The following CDH2 variants were observed in gnomAD, a reference collection of about 807,000 sequenced individuals.
CDH2 encodes cadherin-2.
Under a neutral mutation model 92.0 loss-of-function variants are expected in CDH2, and 17 were observed. The ratio of observed to expected loss-of-function variants is 0.18; its 90% CI spans 0.13 to 0.28. The LOEUF (loss-of-function observed/expected upper bound fraction) is 0.28, where lower values mean the gene tolerates loss of function less well. CDH2 is among the 10% of genes least tolerant of loss of function. CDH2 has a pLI of 1.00. For missense variants in CDH2, 862 were observed against 1,133.1 expected, an observed-to-expected ratio of 0.76 and a Z score of 3.44; for synonymous variants, 419 against 415.9, an observed-to-expected ratio of 1.01 and a Z score of -0.09.
chr18:27,961,686 A>G (rs1291784147), intron 15 of CDH2, among the ~76,000 whole-genome samples: 1 of 152,194 alleles, frequency 6.6e-6, no homozygotes, highest in Non-Finnish European at 1.5e-5. Flanking sequence ...TTTAGCACTG[A>G]GAAAAGAAGA....
chr18:28,123,699 C>T (rs753275552), intron 2 of CDH2, among the ~76,000 whole-genome samples: 7 of 152,252 alleles, frequency 4.6e-5, no homozygotes, highest in Non-Finnish European at 8.8e-5. Context: ...GGAATTGAAG[C>T]ACAGGCTTCA....
In CDH2 at chr18:28,097,684, T is replaced by C. The variant is rs571145630; in HGVS notation, c.172+49989A>G. ...AGCTTATATACAAATACTATGCCAT[T>C]TTTTATCAGAGATTTGAGCATCTGC... On this transcript the variant is annotated intron_variant, in intron 2 of 15. Transcript: ENST00000269141. Among the ~76,000 whole-genome samples, 4 of 152,318 alleles carry C rather than the reference T, an allele frequency of 2.6e-5. No individual in the cohort carries two copies. In the East Asian group the frequency reaches 5.8e-4, roughly 22 times the overall value.
At chr18:28,068,035 C>T (rs2014543339) in intron 2 of CDH2, among the ~76,000 whole-genome samples, 1 of 152,166 alleles carries the variant, frequency 6.6e-6, no homozygotes, top group South Asian at 2.1e-4. Context: ...TGTAAAACCA[C>T]TCCATAGGGA....
intron 15 of CDH2, 68 bp from the exon 16 acceptor site, chr18:27,952,427 A>G: frequency 8.3e-7 from 1 of 1,199,992 alleles, no homozygotes; most frequent in East Asian, 2.3e-5. Context: ...CCACAAGCAG[A>G]TCCTAATGAA....
intron 2 of CDH2, among the ~76,000 whole-genome samples, chr18:28,136,171 T>C (rs2015858611): frequency 6.6e-6 from 1 of 152,162 alleles, no homozygotes; most frequent in Non-Finnish European, 1.5e-5. Flanking sequence ...TTTCAAAATA[T>C]AACCCAACAA....
chr18:28,057,904 T>A (rs2014325846), intron 2 of CDH2, among the ~76,000 whole-genome samples: 1 of 152,154 alleles, frequency 6.6e-6, no homozygotes, highest in African/African-American at 2.4e-5. Context: ...TCACTCATCA[T>A]GGAGTAGAAA....
intron 7 of CDH2, among the ~76,000 whole-genome samples, chr18:27,996,142 A>G (rs975586740): frequency 9.9e-5 from 15 of 152,012 alleles, no homozygotes; most frequent in Non-Finnish European, 1.5e-4. Context: ...AAACTCGCCT[A>G]TTTTACAAAA....
chr18:27,993,950 G>A (rs190326921), intron 7 of CDH2, among the ~76,000 whole-genome samples: 1 of 152,280 alleles, frequency 6.6e-6, no homozygotes, highest in African/African-American at 2.4e-5. Flanking sequence ...TCACGAGATT[G>A]TGATCAAGCA....
Position 27,990,245 on chromosome 18 carries a change from C to G in CDH2, c.1450G>C (p.Val484Leu). The change falls in exon 10 of 16, where the codon GTG (valine) becomes CTG (leucine). Residue 484 changes from valine (V) to leucine (L), a missense_variant. Coordinates refer to ENST00000269141, the MANE Select transcript of CDH2 (RefSeq NM_001792.5). ...IQHPPQSTAT[V>L]SVTVIDVNEN... Reference sequence around the variant, plus strand: ...TTTACGTCAATAACTGTAACAGACACGGTTGCAGTTGACTGAGGGGGGTGC... The same window carrying G: ...TTTACGTCAATAACTGTAACAGACAGGGTTGCAGTTGACTGAGGGGGGTGC... 1 of 1,614,090 alleles carries G rather than the reference C, an allele frequency of 6.2e-7. No homozygotes were observed. The highest frequency in any genetic ancestry group is 8.5e-7 in the Non-Finnish European group (1 of 1,179,962).
rs531817389 is a variant in CDH2, at chr18:28,010,685, G to A, written c.547-813C>T. 1.6e-3 allele frequency among the ~76,000 whole-genome samples: 242 copies of A among 151,090 alleles called. 1 individual carries two copies. Among genetic ancestry groups the A allele is most frequent in the African/African-American group, 5.5e-3 (226 of 41,188 alleles). ...AAATCTAGGTTTTTTTTTTTTGCGG[G>A]GGGGGAAGGAGTCTCACTCTGTCGT... is the stretch of plus-strand genomic sequence containing the variant. On this transcript the variant is annotated intron_variant, in intron 4 of 15. Coordinates refer to ENST00000269141, the MANE Select transcript of CDH2 (RefSeq NM_001792.5).
At chr18:28,092,861 A>G (rs2015061430) in intron 2 of CDH2, among the ~76,000 whole-genome samples, 1 of 152,174 alleles carries the variant, frequency 6.6e-6, no homozygotes, top group African/African-American at 2.4e-5. Flanking sequence ...CTTTCTTAAC[A>G]ACCAAATGGA....
chr18:28,111,332 C>T (rs2015409828), intron 2 of CDH2, among the ~76,000 whole-genome samples: 1 of 152,220 alleles, frequency 6.6e-6, no homozygotes, highest in African/African-American at 2.4e-5. Flanking sequence ...ATCCCAAACC[C>T]CCAAGCAATG....
intron 7 of CDH2, among the ~76,000 whole-genome samples, chr18:27,994,675 CCT>C (rs1453672950): frequency 6.6e-6 from 1 of 152,040 alleles, no homozygotes; most frequent in Non-Finnish European, 1.5e-5. Context: ...TGCAGTTTTC[CCT>C]GTTTCTAAAT....
chr18:28,093,478 A>G (rs542121366), intron 2 of CDH2, among the ~76,000 whole-genome samples: 1 of 152,128 alleles, frequency 6.6e-6, no homozygotes, highest in East Asian at 1.9e-4. Context: ...TACTCTTTAC[A>G]CCATTCGACT....
intron 2 of CDH2, among the ~76,000 whole-genome samples, chr18:28,102,116 G>C (rs1220026): frequency 2.6e-5 from 4 of 151,954 alleles, no homozygotes; most frequent in Non-Finnish European, 5.9e-5. Flanking sequence ...CTAGAAATTT[G>C]CCTGTGTCCT....
intron 1 of CDH2, among the ~76,000 whole-genome samples, chr18:28,175,207 G>A (rs2016519350): frequency 2.0e-5 from 3 of 152,144 alleles, no homozygotes; most frequent in African/African-American, 7.2e-5. Flanking sequence ...TGACTGGCAG[G>A]TCTCCTCCCC....
At chr18:28,004,190 T>A (rs1395381880) in intron 6 of CDH2, among the ~76,000 whole-genome samples, 1 of 152,230 alleles carries the variant, frequency 6.6e-6, no homozygotes, top group East Asian at 1.9e-4. Context: ...GCATGTTTTT[T>A]ATTTCTCTCC....
chr18:28,172,782 G>GA (rs1057254445), intron 1 of CDH2, among the ~76,000 whole-genome samples: 4 of 151,918 alleles, frequency 2.6e-5, no homozygotes, highest in Admixed American at 6.6e-5. Context: ...GTTAACCTGG[G>GA]AAAAATGGTA....
intron 1 of CDH2, among the ~76,000 whole-genome samples, chr18:28,152,002 ATTC>A (rs66664989): frequency 0.03 from 4,587 of 152,242 alleles, 235 homozygotes; most frequent in African/African-American, 0.1. Context: ...CTTGAAAGAT[ATTC>A]TTCTTCTTTT....
Sources: allele counts gnomAD v4.1 joint callset (sites outside exome capture counted in the v4.1 genomes callset), GRCh38; gene constraint gnomAD v4.1.1; transcripts MANE v1.5; gene names NCBI Gene and HGNC (gene_info 2026-07-23, HGNC 2026-07-21).